FOXN3: variants seen among roughly 807,000 people sequenced by gnomAD.
FOXN3 encodes forkhead box N3, also known as forkhead box protein N3.
In FOXN3, 7 loss-of-function variants were observed where a neutral mutation model predicts 38.4. The ratio of observed to expected loss-of-function variants is 0.18; its 90% CI spans 0.10 to 0.34. FOXN3 has a LOEUF of 0.34. FOXN3 is among the 10% of genes least tolerant of loss of function. The pLI is 1.00. For missense variants in FOXN3, 456 were observed against 613.4 expected, an observed-to-expected ratio of 0.74 and a Z score of 2.71; for synonymous variants, 230 against 242.2, an observed-to-expected ratio of 0.95 and a Z score of 0.47.
At chr14:89,398,776 G>C (rs556176696) in intron 2 of FOXN3, among the ~76,000 whole-genome samples, 2 of 152,026 alleles carry the variant, frequency 1.3e-5, no homozygotes, top group African/African-American at 2.4e-5. Context: ...ACCTGAGGTC[G>C]GGAGTTCAAG....
chr14:89,459,639 C>A (rs2139725262), intron 1 of FOXN3, among the ~76,000 whole-genome samples: 1 of 152,296 alleles, frequency 6.6e-6, no homozygotes, highest in African/African-American at 2.4e-5. Context: ...GAGAGGCTAG[C>A]CCCAGAGAAG....
At chr14:89,324,484 GTA>G (rs1332295150) in intron 3 of FOXN3, among the ~76,000 whole-genome samples, 187 of 134,928 alleles carry the variant, frequency 1.4e-3, no homozygotes, top group Non-Finnish European at 2.2e-3. Context: ...GTGTGTGTGT[GTA>G]TGTACCCACA....
At chr14:89,544,215 G>C (rs568647755) in intron 1 of FOXN3, among the ~76,000 whole-genome samples, 123 of 151,956 alleles carry the variant, frequency 8.1e-4, no homozygotes, top group African/African-American at 2.8e-3. Flanking sequence ...CTAATTTTTT[G>C]TATTTTTAGT....
chr14:89,500,159 G>C (rs963529468), intron 1 of FOXN3, among the ~76,000 whole-genome samples: 3 of 152,098 alleles, frequency 2.0e-5, no homozygotes, highest in African/African-American at 7.2e-5. Flanking sequence ...AGCCAGCTTG[G>C]GTTTTTTACA....
intron 4 of FOXN3, among the ~76,000 whole-genome samples, chr14:89,246,643 A>T (rs1312513949): frequency 7.1e-6 from 1 of 140,736 alleles, no homozygotes; most frequent in Non-Finnish European, 1.5e-5. Context: ...GGGTTCAAGC[A>T]ATTCTCTGCC....
At chr14:89,180,935 C>CACACACACACGTGCACAT in intron 4 of FOXN3, 129 bp from the exon 5 acceptor site, 1 of 599,290 alleles carries the variant, frequency 1.7e-6, no homozygotes, top group Non-Finnish European at 2.9e-6. Flanking sequence ...GAGAGAAACA[C>CACACACACACGTGCACAT]ACACACACAC....
intron 4 of FOXN3, among the ~76,000 whole-genome samples, chr14:89,203,408 A>C (rs151207503): frequency 6.6e-6 from 1 of 152,208 alleles, no homozygotes; most frequent in East Asian, 1.9e-4. Flanking sequence ...ATATCCAGCC[A>C]AGGCCCAGAT....
At chr14:89,362,710 A>T (rs533826137) in intron 2 of FOXN3, among the ~76,000 whole-genome samples, 2 of 20,972 alleles carry the variant, frequency 9.5e-5, no homozygotes, top group African/African-American at 1.2e-4. Flanking sequence ...CACCACCACC[A>T]CCACCACCAT....
intron 1 of FOXN3, among the ~76,000 whole-genome samples, chr14:89,594,713 T>C (rs547774207): frequency 5.0e-4 from 76 of 152,306 alleles, no homozygotes; most frequent in African/African-American, 1.8e-3. Flanking sequence ...AGTCCAATTT[T>C]ATCTGCCTTC....
chr14:89,617,343 C>T (rs1210057295), intron 1 of FOXN3, among the ~76,000 whole-genome samples: 1 of 152,202 alleles, frequency 6.6e-6, no homozygotes, highest in Non-Finnish European at 1.5e-5. Context: ...GCAGAATGCC[C>T]TTCCTCTTGG....
intron 1 of FOXN3, among the ~76,000 whole-genome samples, chr14:89,589,594 G>A (rs755580675): frequency 2.6e-5 from 4 of 151,986 alleles, no homozygotes; most frequent in Admixed American, 6.6e-5. Context: ...GAACAGTTGC[G>A]GCCGCACCAT....
At chr14:89,311,686 C>G (rs940172491) in intron 3 of FOXN3, among the ~76,000 whole-genome samples, 1 of 151,384 alleles carries the variant, frequency 6.6e-6, no homozygotes, top group Non-Finnish European at 1.5e-5. Context: ...ATTAGCCGGG[C>G]ATGGTGGCAC....
At chr14:89,299,239 G>C (rs1026974752) in intron 3 of FOXN3, among the ~76,000 whole-genome samples, 1 of 152,140 alleles carries the variant, frequency 6.6e-6, no homozygotes, top group Non-Finnish European at 1.5e-5. Context: ...TGAATCATGG[G>C]GGCGGTTTCC....
intron 4 of FOXN3, among the ~76,000 whole-genome samples, chr14:89,248,548 C>T (rs1006584579): frequency 5.9e-5 from 9 of 152,160 alleles, no homozygotes; most frequent in African/African-American, 1.9e-4. Flanking sequence ...AGAAATGATG[C>T]CCTGGGGGGA....
intron 3 of FOXN3, among the ~76,000 whole-genome samples, chr14:89,345,004 G>C (rs569061702): frequency 3.8e-4 from 58 of 152,000 alleles, no homozygotes; most frequent in African/African-American, 1.4e-3. Context: ...GATTCCGAAG[G>C]CCCCACGCCA....
At chr14:89,408,775 G>A (rs1034563663) in intron 2 of FOXN3, among the ~76,000 whole-genome samples, 2 of 152,010 alleles carry the variant, frequency 1.3e-5, no homozygotes, top group African/African-American at 4.8e-5. Flanking sequence ...AACTTGCAAG[G>A]TTTCAATGTT....
chr14:89,379,542 T>C lies in FOXN3; in HGVS notation c.544-28734A>G, dbSNP rs140093453. Among the ~76,000 whole-genome samples, 64 of 152,270 alleles carry C rather than the reference T, an allele frequency of 4.2e-4. No homozygotes were observed. The East Asian group carries it at 0.012, about 28-fold the overall frequency. ...CCTGGGGAGCAAAATCACCTTCAGT[T>C]AAGAACCACTGCTCCAGAGCATGAA... is the stretch of plus-strand genomic sequence containing the variant. On this transcript the variant is annotated intron_variant, in intron 2 of 5. Transcript: ENST00000557258.
chr14:89,479,016 C>T (rs1007333532), intron 1 of FOXN3, among the ~76,000 whole-genome samples: 1 of 149,878 alleles, frequency 6.7e-6, no homozygotes, highest in African/African-American at 2.4e-5. Flanking sequence ...AATGGAGGTT[C>T]AGACAGTTTA....
chr14:89,411,162 G>C (rs912206444), intron 2 of FOXN3, among the ~76,000 whole-genome samples: 1 of 152,148 alleles, frequency 6.6e-6, no homozygotes, highest in Non-Finnish European at 1.5e-5. Flanking sequence ...TAGGTTGCGT[G>C]CTTCTTATGA....
Sources: allele counts gnomAD v4.1 joint callset (sites outside exome capture counted in the v4.1 genomes callset), GRCh38; gene constraint gnomAD v4.1.1; transcripts MANE v1.5; gene names NCBI Gene and HGNC (gene_info 2026-07-23, HGNC 2026-07-21).